The following COG5 variants were observed in gnomAD, a reference collection of about 807,000 sequenced individuals.
The protein encoded by COG5 is component of oligomeric golgi complex 5.
Under a neutral mutation model 110.4 loss-of-function variants are expected in COG5, and 86 were observed. The ratio of observed to expected loss-of-function variants is 0.78; its 90% CI spans 0.65 to 0.93. The LOEUF (loss-of-function observed/expected upper bound fraction) is 0.93, where lower values mean the gene tolerates loss of function less well. Among genes scored for constraint, COG5 ranks in the 40% least tolerant of loss-of-function variants. COG5 has a pLI of 0.00. For synonymous variants in COG5, 360 were observed against 334.6 expected, an observed-to-expected ratio of 1.08 and a Z score of -0.83; for missense variants, 1,077 against 987.0, an observed-to-expected ratio of 1.09 and a Z score of -1.22.
At chr7:107,457,385 A>G (rs1036698549) in intron 6 of COG5, among the ~76,000 whole-genome samples, 17 of 151,144 alleles carry the variant, frequency 1.1e-4, no homozygotes, top group Admixed American at 9.9e-4. Flanking sequence ...AAAAGCATCA[A>G]TGACATGGGG....
intron 14 of COG5, among the ~76,000 whole-genome samples, chr7:107,277,243 T>C (rs1218030859): frequency 1.3e-5 from 2 of 152,236 alleles, no homozygotes; most frequent in African/African-American, 4.8e-5. Flanking sequence ...AAAGATGTTA[T>C]GTTTATATAC....
chr7:107,207,173 C>CA (rs1431812077), intron 21 of COG5, among the ~76,000 whole-genome samples: 2 of 152,236 alleles, frequency 1.3e-5, no homozygotes, highest in Admixed American at 6.5e-5. Flanking sequence ...CTACATGCCT[C>CA]AATAAGCAGT....
At chr7:107,355,327 G>A (rs916027414) in intron 10 of COG5, among the ~76,000 whole-genome samples, 14 of 152,180 alleles carry the variant, frequency 9.2e-5, no homozygotes, top group African/African-American at 3.4e-4. Flanking sequence ...AATACAAAAT[G>A]ATACAGCAAC....
intron 10 of COG5, among the ~76,000 whole-genome samples, chr7:107,349,202 A>T (rs1245880342): frequency 3.3e-5 from 5 of 152,226 alleles, no homozygotes; most frequent in African/African-American, 7.2e-5. Context: ...TAGCCCTAAT[A>T]GCTTTTGTAG....
At chr7:107,530,691 G>A (rs1221932864) in intron 5 of COG5, among the ~76,000 whole-genome samples, 1 of 147,758 alleles carries the variant, frequency 6.8e-6, no homozygotes, top group African/African-American at 2.5e-5. Context: ...TACAGATTAT[G>A]TTGAATCTTC....
chr7:107,505,265 A>G (rs1401824238), intron 6 of COG5, among the ~76,000 whole-genome samples: 1 of 152,204 alleles, frequency 6.6e-6, no homozygotes, highest in Non-Finnish European at 1.5e-5. Flanking sequence ...GCAATACCCA[A>G]TGGTGGGGAA....
intron 6 of COG5, among the ~76,000 whole-genome samples, chr7:107,506,194 G>A (rs899947849): frequency 6.6e-6 from 1 of 152,218 alleles, no homozygotes; most frequent in African/African-American, 2.4e-5. Flanking sequence ...TGGAGATGAT[G>A]TAATGGACTG....
At chr7:107,303,133 T>C (rs917217911) in intron 11 of COG5, among the ~76,000 whole-genome samples, 2 of 152,096 alleles carry the variant, frequency 1.3e-5, no homozygotes, top group Admixed American at 1.3e-4. Flanking sequence ...TCTCACTTTG[T>C]TGCCCAGGCT....
intron 7 of COG5, among the ~76,000 whole-genome samples, chr7:107,403,223 A>G (rs1791567017): frequency 6.6e-6 from 1 of 152,156 alleles, no homozygotes; most frequent in African/African-American, 2.4e-5. Context: ...AATAGCTATT[A>G]TATTAGTCTG....
chr7:107,327,189 T>C (rs1206784066), intron 10 of COG5, among the ~76,000 whole-genome samples: 1 of 152,078 alleles, frequency 6.6e-6, no homozygotes, highest in Non-Finnish European at 1.5e-5. Flanking sequence ...GGCTACACAA[T>C]AGGAAAAGGA....
chr7:107,288,038 G>A (rs887951098), intron 12 of COG5, among the ~76,000 whole-genome samples: 2 of 152,050 alleles, frequency 1.3e-5, no homozygotes, highest in Non-Finnish European at 2.9e-5. Context: ...CATCTGGAGC[G>A]AAACTGCTGG....
intron 14 of COG5, among the ~76,000 whole-genome samples, chr7:107,260,096 A>ATATATATATATAT (rs1554402497): frequency 2.0e-5 from 3 of 148,306 alleles, no homozygotes; most frequent in Admixed American, 6.8e-5. Context: ...ATATATATGA[A>ATATATATATATAT]ATAAAAACAT....
intron 12 of COG5, among the ~76,000 whole-genome samples, chr7:107,285,378 C>T (rs1805542957): frequency 1.3e-5 from 2 of 152,200 alleles, no homozygotes; most frequent in Admixed American, 1.3e-4. Flanking sequence ...GAAATTTTGG[C>T]ACTGAATTAT....
chr7:107,281,422 T>C, intron 13 of COG5, 23 bp from the exon 14 acceptor site: 3 of 1,523,566 alleles, frequency 2.0e-6, no homozygotes, highest in Non-Finnish European at 2.7e-6. Context: ...AAAACAGTTT[T>C]TAAATATTAG....
In COG5 at chr7:107,362,064, G is replaced by A; in HGVS notation, c.995C>T (p.Ser332Phe). The A allele has an allele frequency of 1.2e-6, 2 of 1,608,748 alleles. No homozygotes were observed. The highest frequency in any genetic ancestry group is 1.7e-6 in the Non-Finnish European group (2 of 1,175,848). ...TATTTCTTCAATGAAACAAATGTGAGAAACAGGATCTCTCTTCTTGGCCAA... is the reference window on the plus strand; with the variant it reads ...TATTTCTTCAATGAAACAAATGTGAAAAACAGGATCTCTCTTCTTGGCCAA... ...KVLAKKRDPV[S>F]HICFIEEIVK... The change falls in exon 10 of 22, where the codon TCT (serine) becomes TTT (phenylalanine). Residue 332 changes from serine (S) to phenylalanine (F), a missense_variant. By Grantham distance (155) the Ser-to-Phe change is radical. Coordinates refer to ENST00000297135, the MANE Select transcript of COG5 (RefSeq NM_006348.5).
At chr7:107,491,487 A>G (rs947714525) in intron 6 of COG5, among the ~76,000 whole-genome samples, 11 of 152,156 alleles carry the variant, frequency 7.2e-5, no homozygotes, top group African/African-American at 2.7e-4. Context: ...GTCTTTTCCC[A>G]GGTGAAGGCT....
At chr7:107,423,307 A>T (rs1793418673) in intron 6 of COG5, among the ~76,000 whole-genome samples, 1 of 152,182 alleles carries the variant, frequency 6.6e-6, no homozygotes, top group Non-Finnish European at 1.5e-5. Context: ...CAGTAACAGG[A>T]ATTAAAAAGA....
intron 6 of COG5, among the ~76,000 whole-genome samples, chr7:107,438,275 G>A (rs1208424039): frequency 6.6e-6 from 1 of 152,112 alleles, no homozygotes; most frequent in African/African-American, 2.4e-5. Flanking sequence ...CTTTACTGGA[G>A]ACAAGTCTTA....
chr7:107,474,982 C>CA lies in COG5; in HGVS notation c.538+52254dup. The stretch of plus-strand genomic sequence containing the variant: ...ACGACACCGTGAACGACGAGAAAGA[C>CA]AAAAGAGAGTCTTCAGGATGTCTTT... On this transcript the variant is annotated intron_variant, in intron 6 of 21. Coordinates refer to ENST00000297135, the MANE Select transcript of COG5 (RefSeq NM_006348.5). This position sits in a 1 kb window ranked among gnomAD's most constrained non-coding sequence, Gnocchi z 5.7. 6.2e-7 allele frequency: 1 copy of CA among 1,612,432 alleles called. No homozygotes were observed. Among genetic ancestry groups the CA allele is most frequent in the Non-Finnish European group, 8.5e-7 (1 of 1,179,212 alleles).
Sources: gnomAD v4.1 joint callset for allele counts (sites outside exome capture counted in the v4.1 genomes callset) on GRCh38, gnomAD v4.1.1 for gene constraint, Gnocchi (gnomAD v3.1) non-coding constraint, MANE v1.5 for transcripts, NCBI Gene and HGNC (gene_info 2026-07-23, HGNC 2026-07-21) for gene names.